Variants in ILKAP observed in about 807,000 individuals in gnomAD.
ILKAP encodes the protein integrin-linked kinase-associated serine/threonine phosphatase 2C.
A neutral mutation model predicts 49.1 loss-of-function variants in ILKAP; 11 were observed. The ratio of observed to expected loss-of-function variants is 0.22; its 90% CI spans 0.14 to 0.37. ILKAP has a LOEUF of 0.37. Ranked by LOEUF, ILKAP falls within the 10% of genes least tolerant of loss-of-function variation. ILKAP has a pLI of 1.00. For missense variants in ILKAP, 363 were observed against 510.8 expected (o/e 0.71, Z 2.79); for synonymous variants, 186 against 192.8 (o/e 0.96, Z 0.29).
chr2:238,183,953 G>C (rs1461042623), intron 7 of ILKAP, 67 bp downstream of exon 7: 3 of 1,100,582 alleles, frequency 2.7e-6, no homozygotes, highest in Non-Finnish European at 4.2e-6. Context: ...CACATCAGAA[G>C]ACTGAAATGC....
rs780485969 is a variant in ILKAP, at chr2:238,194,289, C to G, written c.164G>C (p.Ser55Thr). The G allele has an allele frequency of 1.9e-6, 3 of 1,613,942 alleles. No individual in the cohort carries two copies. In the Admixed American group the frequency reaches 5.0e-5, roughly 27 times the overall value. The change falls in exon 3 of 12, where the codon AGC becomes ACC. Residue 55 changes from serine (S) to threonine (T), a missense_variant. Physicochemically the swap from Ser to Thr is moderately conservative, Grantham distance 58. Transcript: ENST00000254654. The stretch of plus-strand genomic sequence containing the variant: ...CTACCACTTACCTGAATCGCCACTG[C>G]TAGCGGGTGGGAGATCATCAAAAAG... The part of the protein sequence containing the change: ...PLLFDDLPPA[S>T]SGDSGSLATS...
At chr2:238,194,192 TA>T in intron 3 of ILKAP, 82 bp downstream of exon 3, 1 of 1,240,516 alleles carries the variant, frequency 8.1e-7, no homozygotes, top group Non-Finnish European at 1.2e-6. Context: ...AAAATCCCGT[TA>T]AAACCTATAC....
chr2:238,192,721 G>A (rs989925251), intron 3 of ILKAP, among the ~76,000 whole-genome samples: 4 of 107,604 alleles, frequency 3.7e-5, no homozygotes, highest in African/African-American at 1.0e-4. Flanking sequence ...AAAAAAAAAA[G>A]AATGTGTTAT....
chr2:238,183,073 G>C (rs1424190002), intron 8 of ILKAP, among the ~76,000 whole-genome samples: 2 of 152,294 alleles, frequency 1.3e-5, no homozygotes, highest in Middle Eastern at 3.4e-3. Context: ...AGAGGAGGCA[G>C]GGTCTGCATC....
intron 5 of ILKAP, among the ~76,000 whole-genome samples, chr2:238,187,915 G>A (rs1693971168): frequency 6.6e-6 from 1 of 152,200 alleles, no homozygotes; most frequent in African/African-American, 2.4e-5. Flanking sequence ...CCAGATGCCA[G>A]TAACAACTCC....
intron 4 of ILKAP, chr2:238,188,720 G>C (rs1451101682): frequency 6.5e-6 from 1 of 153,254 alleles, no homozygotes; most frequent in Non-Finnish European, 1.5e-5. Flanking sequence ...TGAAGAATTT[G>C]AACAAACAGT....
chr2:238,181,188 A>G (rs1693676863), intron 9 of ILKAP, among the ~76,000 whole-genome samples: 1 of 152,210 alleles, frequency 6.6e-6, no homozygotes, highest in African/African-American at 2.4e-5. Flanking sequence ...CAAATGAACA[A>G]CAGAAGAGAA....
intron 9 of ILKAP, among the ~76,000 whole-genome samples, chr2:238,179,205 A>C (rs1049751013): frequency 2.0e-5 from 3 of 152,224 alleles, no homozygotes; most frequent in Non-Finnish European, 4.4e-5. Flanking sequence ...TGAGCAGCAG[A>C]AAACCCCATG....
chr2:238,192,864 T>G (rs1694196062), intron 3 of ILKAP, among the ~76,000 whole-genome samples: 1 of 151,798 alleles, frequency 6.6e-6, no homozygotes, highest in African/African-American at 2.4e-5. Context: ...AATACAAAAA[T>G]TAGCCAGGCA....
chr2:238,174,424 G>C (rs1174498256), intron 9 of ILKAP, among the ~76,000 whole-genome samples: 2 of 152,236 alleles, frequency 1.3e-5, no homozygotes, highest in African/African-American at 4.8e-5. Context: ...GCCCTTGTTT[G>C]TAAAGGCAAG....
chr2:238,171,732 G>A (rs1434715259), intron 10 of ILKAP, among the ~76,000 whole-genome samples: 2 of 152,182 alleles, frequency 1.3e-5, no homozygotes, highest in African/African-American at 4.8e-5. Context: ...AGCTGAGAAT[G>A]AGCCCAGCCT....
At chr2:238,194,401 A>G (rs1419184507) in intron 2 of ILKAP, 70 bp from the exon 3 acceptor site, 1 of 1,405,114 alleles carries the variant, frequency 7.1e-7, no homozygotes, top group Non-Finnish European at 1.0e-6. Context: ...AATCCATCCC[A>G]CCAGGACACC....
At chr2:238,183,460 GAACA>G (rs1389373261) in intron 8 of ILKAP, among the ~76,000 whole-genome samples, 189 bp downstream of exon 8, 1 of 152,188 alleles carries the variant, frequency 6.6e-6, no homozygotes, top group Non-Finnish European at 1.5e-5. Flanking sequence ...GTTCCCCAGA[GAACA>G]AACAGCCTCT....
rs552141590 is a variant in ILKAP at position 238,193,155 on chromosome 2, AAG to A, written c.178+1118_178+1119del. On this transcript the variant is annotated intron_variant, in intron 3 of 11. Coordinates refer to ENST00000254654, the MANE Select transcript of ILKAP (RefSeq NM_030768.3). The stretch of plus-strand genomic sequence containing the variant: ...TTTGCCTTTTGTCCTGTAGATAAAT[AAG>A]AGACAGCTATGCTGTATCTTCATTT... Among the ~76,000 whole-genome samples the A allele has an allele frequency of 2.3e-3, 353 of 152,352 alleles. 2 individuals are homozygous for A. The highest frequency in any genetic ancestry group is 8.1e-3 in the African/African-American group (337 of 41,584).
At chr2:238,170,785 C>T (rs1034896700) in intron 11 of ILKAP, 109 bp from the exon 12 acceptor site, 1 of 1,550,324 alleles carries the variant, frequency 6.5e-7, no homozygotes, top group Non-Finnish European at 8.9e-7. Context: ...TCAGGGCTGG[C>T]AGGACAAACT....
At chr2:238,181,290 CTG>C (rs10543935) in intron 9 of ILKAP, among the ~76,000 whole-genome samples, 20,893 of 152,212 alleles carry the variant, frequency 0.14, 1,715 homozygotes, top group Middle Eastern at 0.22. Flanking sequence ...AATAGTCAAA[CTG>C]TACAACAAAC....
At chr2:238,201,745 T>C (rs1694578796) in intron 1 of ILKAP, among the ~76,000 whole-genome samples, 1 of 152,246 alleles carries the variant, frequency 6.6e-6, no homozygotes, top group Non-Finnish European at 1.5e-5. Context: ...ACACGCACAC[T>C]GGTGAATCCA....
At chr2:238,193,811 G>A (rs1005845536) in intron 3 of ILKAP, among the ~76,000 whole-genome samples, 1 of 152,138 alleles carries the variant, frequency 6.6e-6, no homozygotes, top group African/African-American at 2.4e-5. Flanking sequence ...GTTCTCATGA[G>A]ACAGAATCAT....
At chr2:238,176,134 G>GTTT (rs1664405052) in intron 9 of ILKAP, among the ~76,000 whole-genome samples, 1 of 33,908 alleles carries the variant, frequency 2.9e-5, no homozygotes, top group African/African-American at 1.3e-4. Flanking sequence ...GCAAGTAGTG[G>GTTT]CTTTTTTTTT....
Sources: allele counts gnomAD v4.1 joint callset (sites outside exome capture counted in the v4.1 genomes callset), GRCh38; gene constraint gnomAD v4.1.1; transcripts MANE v1.5; gene names NCBI Gene and HGNC (gene_info 2026-07-23, HGNC 2026-07-21).